Variants in RALGPS1 observed in about 807,000 individuals in gnomAD.
RALGPS1 encodes the protein ras-specific guanine nucleotide-releasing factor RalGPS1.
In RALGPS1, 19 loss-of-function variants were observed where a neutral mutation model predicts 78.8. That is an observed-to-expected ratio of 0.24 (90% CI 0.17 to 0.35). RALGPS1 has a LOEUF of 0.35. RALGPS1 is among the 10% of genes least tolerant of loss of function. The pLI, the probability that RALGPS1 is intolerant of heterozygous loss-of-function variation, is 1.00. For synonymous variants in RALGPS1, 228 were observed against 256.3 expected (o/e 0.89, Z 1.06); for missense variants, 454 against 688.3 (o/e 0.66, Z 3.81).
intron 7 of RALGPS1, among the ~76,000 whole-genome samples, chr9:127,060,507 A>G (rs1285647432): frequency 1.5e-5 from 2 of 132,216 alleles, no homozygotes; most frequent in African/African-American, 6.2e-5. Context: ...GGTAAGTATT[A>G]CCTGTTGTTG....
chr9:127,022,222 C>A (rs757585646), intron 4 of RALGPS1, among the ~76,000 whole-genome samples: 9 of 152,138 alleles, frequency 5.9e-5, no homozygotes, highest in Non-Finnish European at 1.3e-4. Flanking sequence ...GGGAGGCCCT[C>A]ATGTTCATTT....
At chr9:127,110,846 A>T (rs755610413) in intron 8 of RALGPS1, among the ~76,000 whole-genome samples, 1 of 152,104 alleles carries the variant, frequency 6.6e-6, no homozygotes, top group South Asian at 2.1e-4. Context: ...CCCTGTTGCA[A>T]CCCACCTGCA....
chr9:127,126,286 G>C (rs2056612563), intron 8 of RALGPS1, among the ~76,000 whole-genome samples: 1 of 152,044 alleles, frequency 6.6e-6, no homozygotes. Context: ...CTGTTTTCTG[G>C]CTTCTTTTAA....
chr9:127,159,196 C>T (rs1019273787), intron 8 of RALGPS1, among the ~76,000 whole-genome samples: 5 of 152,170 alleles, frequency 3.3e-5, no homozygotes, highest in Non-Finnish European at 4.4e-5. Flanking sequence ...AGTCAGAACC[C>T]CAGTGCACGC....
chr9:127,214,778 C>G lies in RALGPS1; in HGVS notation c.1580C>G (p.Ser527Cys). The G allele has an allele frequency of 6.2e-7, 1 of 1,611,070 alleles. No homozygotes were observed. Among genetic ancestry groups the G allele is most frequent in the Non-Finnish European group, 8.5e-7 (1 of 1,178,910 alleles). ...AATGTTTACAAGTTTCAGACTGGTT[C>G]CCGATTTCATGCAATACTGTGGCAC... The part of the protein sequence containing the change: ...KGNVYKFQTG[S>C]RFHAILWHKH... Residue 527 changes from serine (S) to cysteine (C), a missense_variant, in exon 18 of 19, where the codon TCC (serine) becomes TGC (cysteine). Physicochemically the swap from Ser to Cys is moderately radical, Grantham distance 112 (BLOSUM62 -1). Transcript: ENST00000259351.
At chr9:127,129,281 CA>C (rs1169343786) in intron 8 of RALGPS1, among the ~76,000 whole-genome samples, 8 of 152,196 alleles carry the variant, frequency 5.3e-5, no homozygotes, top group Admixed American at 5.2e-4. Context: ...TTTGTTTCTT[CA>C]TAGCGAAAAA....
Position 127,218,680 on chromosome 9 carries a change from C to T in RALGPS1, c.1645-60C>T. 6.4e-7 allele frequency: 1 copy of T among 1,563,292 alleles called. No homozygotes were observed. Among genetic ancestry groups the T allele is most frequent in the Non-Finnish European group, 8.8e-7 (1 of 1,133,812 alleles). ...GGCCTGTCCCTTCCCCTAGGGACCA[C>T]CACCCCTTGTCCTTCTCTGAGGTCG... On this transcript the variant is annotated intron_variant, in intron 18 of 18. Transcript: ENST00000259351. The surrounding 1 kb of genome is among the most constrained non-coding windows in gnomAD (Gnocchi z 4.4).
intron 11 of RALGPS1, among the ~76,000 whole-genome samples, chr9:127,182,496 C>G (rs1226344096): frequency 6.8e-6 from 1 of 147,362 alleles, no homozygotes; most frequent in African/African-American, 2.5e-5. Context: ...GTGATGTGAT[C>G]TCGGCTCACT....
Position 127,212,500 on chromosome 9 carries a change from G to T in RALGPS1, c.1354-127G>T. The T allele has an allele frequency of 1.4e-6, 1 of 700,734 alleles. No homozygotes were observed. 43.4% of individuals were successfully genotyped at this position (700,734 alleles called of 1,614,324 possible). A position where few individuals can be genotyped will look rare whatever the true frequency, so the allele number is the denominator to read the frequency against. On this transcript the variant is annotated intron_variant, in intron 15 of 18. Coordinates refer to ENST00000259351, the MANE Select transcript of RALGPS1 (RefSeq NM_014636.3). This position sits in a 1 kb window ranked among gnomAD's most constrained non-coding sequence, Gnocchi z 6.0. Reference sequence around the variant, plus strand: ...GTGGAAGTTGGCATTGCCAGGGGGTGGTGGAGGGCCAGGGAAGAGATGGGG... The same window carrying T: ...GTGGAAGTTGGCATTGCCAGGGGGTTGTGGAGGGCCAGGGAAGAGATGGGG...
chr9:127,011,772 G>A (rs1250921551), intron 4 of RALGPS1, among the ~76,000 whole-genome samples: 3 of 152,144 alleles, frequency 2.0e-5, no homozygotes, highest in African/African-American at 7.2e-5. Flanking sequence ...CATAAAAATT[G>A]GTTTGTATGT....
In RALGPS1 at chr9:127,085,650, C is replaced by T. The variant is rs563951510; in HGVS notation, c.610+16294C>T. On this transcript the variant is annotated intron_variant, in intron 8 of 18. Coordinates refer to ENST00000259351, the MANE Select transcript of RALGPS1 (RefSeq NM_014636.3). ...TTGAGATGGGGTTTGGGAGAAATAG[C>T]TGGTATCATGACCTGCTTTCATTTG... Among the ~76,000 whole-genome samples the T allele has an allele frequency of 2.6e-5, 4 of 152,266 alleles. No homozygotes were observed. In the East Asian group the frequency reaches 7.7e-4, roughly 29 times the overall value.
intron 4 of RALGPS1, among the ~76,000 whole-genome samples, chr9:127,015,440 T>A (rs1345455353): frequency 6.6e-6 from 1 of 152,160 alleles, no homozygotes; most frequent in Non-Finnish European, 1.5e-5. Context: ...TAGCTGCTGT[T>A]ATTAGTGTTT....
chr9:127,126,209 C>T (rs1370820605), intron 8 of RALGPS1, among the ~76,000 whole-genome samples: 1 of 152,090 alleles, frequency 6.6e-6, no homozygotes, highest in Non-Finnish European at 1.5e-5. Flanking sequence ...GTCTTCTGAC[C>T]AACATTGTTT....
intron 4 of RALGPS1, among the ~76,000 whole-genome samples, chr9:127,018,993 C>T (rs2045180042): frequency 6.6e-6 from 1 of 152,142 alleles, no homozygotes; most frequent in South Asian, 2.1e-4. Flanking sequence ...AATAAATGGT[C>T]AAAATTAATT....
At chr9:127,023,072 C>T (rs922580821) in intron 4 of RALGPS1, among the ~76,000 whole-genome samples, 3 of 152,016 alleles carry the variant, frequency 2.0e-5, no homozygotes, top group African/African-American at 7.2e-5. Context: ...TTTATGGTTT[C>T]ATATCAACTC....
At chr9:127,023,674 C>T (rs1003285871) in intron 4 of RALGPS1, among the ~76,000 whole-genome samples, 1 of 152,156 alleles carries the variant, frequency 6.6e-6, no homozygotes, top group African/African-American at 2.4e-5. Context: ...AACAGCTCTC[C>T]TGTAGGACAG....
At chr9:127,034,889 C>T (rs1362056162) in intron 5 of RALGPS1, among the ~76,000 whole-genome samples, 2 of 152,132 alleles carry the variant, frequency 1.3e-5, no homozygotes, top group Non-Finnish European at 2.9e-5. Flanking sequence ...TATCTCTCTC[C>T]TGTCAGGCCC....
At chr9:127,100,438 G>T (rs1014955122) in intron 8 of RALGPS1, among the ~76,000 whole-genome samples, 2 of 152,122 alleles carry the variant, frequency 1.3e-5, no homozygotes, top group Admixed American at 6.5e-5. Context: ...GCATTGCGTC[G>T]CTCTTAGGTT....
chr9:127,025,660 T>G (rs955899868), intron 4 of RALGPS1, among the ~76,000 whole-genome samples: 1 of 152,186 alleles, frequency 6.6e-6, no homozygotes, highest in Non-Finnish European at 1.5e-5. Context: ...CATCCACGCA[T>G]CCTCCTGGTA....
Sources: gnomAD v4.1 joint callset for allele counts (sites outside exome capture counted in the v4.1 genomes callset) on GRCh38, gnomAD v4.1.1 for gene constraint, Gnocchi (gnomAD v3.1) non-coding constraint, MANE v1.5 for transcripts, NCBI Gene and HGNC (gene_info 2026-07-23, HGNC 2026-07-21) for gene names.